ARMC9: variants seen among roughly 807,000 people sequenced by gnomAD.
The protein encoded by ARMC9 is lisH domain-containing protein ARMC9.
A neutral mutation model predicts 107.0 loss-of-function variants in ARMC9; 94 were observed. The observed-to-expected ratio is 0.88, with a 90% CI of 0.74 to 1.04. The LOEUF (loss-of-function observed/expected upper bound fraction) is 1.04. Ranked by LOEUF, ARMC9 falls within the 50% of genes least tolerant of loss-of-function variation. The pLI, the probability that ARMC9 is intolerant of heterozygous loss-of-function variation, is 0.00. For missense variants in ARMC9, 942 were observed against 1,030.1 expected (o/e 0.91, Z 1.17); for synonymous variants, 380 against 396.9 (o/e 0.96, Z 0.51).
chr2:231,368,919 G>A (rs771638882), intron 23 of ARMC9, among the ~76,000 whole-genome samples: 3 of 152,214 alleles, frequency 2.0e-5, no homozygotes, highest in East Asian at 1.9e-4. Context: ...CACCGCGCCC[G>A]GCCTATTTTT....
chr2:231,238,869 A>G (rs139557697), intron 8 of ARMC9, among the ~76,000 whole-genome samples: 10 of 152,354 alleles, frequency 6.6e-5, no homozygotes, highest in African/African-American at 2.4e-4. Flanking sequence ...TTTGTAGCAG[A>G]TAGGCAGGAG....
At chr2:231,369,598 CTTT>C (rs71982424) in intron 23 of ARMC9, among the ~76,000 whole-genome samples, 15 of 128,238 alleles carry the variant, frequency 1.2e-4, no homozygotes, top group Admixed American at 7.9e-5. Context: ...CAGCCAGTTT[CTTT>C]TTTTTTTTTT....
At chr2:231,370,746 C>T (rs115379479) in intron 24 of ARMC9, 2,461 of 218,480 alleles carry the variant, frequency 0.011, 71 homozygotes, top group African/African-American at 0.052. Context: ...CTGTCCCCTT[C>T]CAGCCTCTGC....
chr2:231,269,977 A>G (rs945792150), intron 12 of ARMC9, among the ~76,000 whole-genome samples: 13 of 150,906 alleles, frequency 8.6e-5, no homozygotes, highest in African/African-American at 3.2e-4. Flanking sequence ...GGGACCACAA[A>G]GCCATTGAGT....
rs575702016 is a variant in ARMC9, at chr2:231,333,480, C to G, written c.1878+1583C>G. Among the ~76,000 whole-genome samples the G allele has an allele frequency of 2.6e-4, 39 of 152,240 alleles. 1 individual carries two copies. The South Asian group carries it at 6.6e-3, about 26-fold the overall frequency. ...AGAACATCTCAAGGATTAAAGTAGT[C>G]TAATTGGCTGTGGAGCTGTTTACAT... is the stretch of plus-strand genomic sequence containing the variant. On this transcript the variant is annotated intron_variant, in intron 20 of 24. Coordinates refer to ENST00000611582, the MANE Select transcript of ARMC9 (RefSeq NM_001352754.2).
chr2:231,208,377 A>G (rs1379782264), intron 3 of ARMC9, 125 bp downstream of exon 3: 1 of 729,070 alleles, frequency 1.4e-6, no homozygotes, highest in Non-Finnish European at 2.4e-6. Context: ...TTTAGATGGC[A>G]CAAGTGTTTA....
intron 19 of ARMC9, among the ~76,000 whole-genome samples, chr2:231,298,956 G>A (rs1241664245): frequency 6.6e-6 from 1 of 152,066 alleles, no homozygotes; most frequent in African/African-American, 2.4e-5. Context: ...GGGCTGTAGT[G>A]GGATGGGGCC....
chr2:231,295,218 T>C (rs1559420473), intron 18 of ARMC9: 2 of 152,226 alleles, frequency 1.3e-5, no homozygotes. Context: ...ATAAGAAAGA[T>C]GTAGTAGGGA....
chr2:231,305,490 G>A (rs2041988422), intron 19 of ARMC9, among the ~76,000 whole-genome samples: 1 of 152,178 alleles, frequency 6.6e-6, no homozygotes, highest in Non-Finnish European at 1.5e-5. Context: ...ACAAATCCAG[G>A]CGTAGTTCTG....
At chr2:231,256,144 G>T in intron 9 of ARMC9, 1 of 1,543,006 alleles carries the variant, frequency 6.5e-7, no homozygotes, top group Non-Finnish European at 8.8e-7. Flanking sequence ...GGGTCACCAA[G>T]GTCCTGGGCA....
At chr2:231,328,814 C>CTTTTTTTTTTTTTTTTTTTTTT (rs1341987081) in intron 19 of ARMC9, among the ~76,000 whole-genome samples, 1,840 of 126,824 alleles carry the variant, frequency 0.015, 260 homozygotes, top group Non-Finnish European at 0.02. Context: ...CTTTTCTTTT[C>CTTTTTTTTTTTTTTTTTTTTTT]TTTTCTTTTT....
At chr2:231,259,785 G>A (rs563542845) in intron 11 of ARMC9, among the ~76,000 whole-genome samples, 118 of 152,266 alleles carry the variant, frequency 7.7e-4, no homozygotes, top group Non-Finnish European at 1.2e-3. Context: ...CTGAGGTCAG[G>A]AGTTCAAGAC....
In ARMC9 at chr2:231,375,431, G is replaced by A. The variant is rs116551783; in HGVS notation, c.*3896G>A. Among the ~76,000 whole-genome samples, 161 of 152,374 alleles carry A rather than the reference G, an allele frequency of 1.1e-3. No homozygotes were observed. Among genetic ancestry groups the A allele is most frequent in the African/African-American group, 3.6e-3 (151 of 41,584 alleles). On this transcript the variant is annotated 3_prime_UTR_variant, in exon 25 of 25. Transcript: ENST00000611582. The surrounding 1 kb of genome is among the most constrained non-coding windows in gnomAD (Gnocchi z 4.3). Reference sequence around the variant, plus strand: ...TACAGGGACCCCGAATGAACCAGAGGCAATACTGCTGCAAGCTACCACATA... The same window carrying A: ...TACAGGGACCCCGAATGAACCAGAGACAATACTGCTGCAAGCTACCACATA...
At chr2:231,226,404 ATTGAAG>A (rs1162638133) in intron 6 of ARMC9, among the ~76,000 whole-genome samples, 5 of 152,214 alleles carry the variant, frequency 3.3e-5, no homozygotes, top group African/African-American at 1.2e-4. Context: ...AAAGCTTTGA[ATTGAAG>A]TTAGAGTTGA....
Position 231,312,811 on chromosome 2 carries a change from G to T in ARMC9, c.1773+16558G>T, listed in dbSNP as rs114350425. ...CTTTTTCTAACAAAAAAGTAGTATT[G>T]TAAGGACTCAATGAACTAATCTGTA... On this transcript the variant is annotated intron_variant, in intron 19 of 24. Transcript: ENST00000611582. Among the ~76,000 whole-genome samples the T allele has an allele frequency of 6.1e-3, 935 of 152,188 alleles. 15 individuals carry two copies. Among genetic ancestry groups the T allele is most frequent in the African/African-American group, 0.021 (887 of 41,516 alleles).
At chr2:231,287,910 C>G (rs2040717021) in intron 17 of ARMC9, among the ~76,000 whole-genome samples, 1 of 152,174 alleles carries the variant, frequency 6.6e-6, no homozygotes, top group Non-Finnish European at 1.5e-5. Flanking sequence ...CAAGACCTAA[C>G]ATGAGGGAGT....
intron 9 of ARMC9, among the ~76,000 whole-genome samples, chr2:231,243,866 A>G (rs1347121902): frequency 6.6e-6 from 1 of 152,222 alleles, no homozygotes; most frequent in Non-Finnish European, 1.5e-5. Context: ...TTTAGATGCA[A>G]TGTCCAGTGA....
rs1017308742 is a variant in ARMC9 at position 231,253,309 on chromosome 2, G to A, written c.880-3277G>A. 2.6e-5 allele frequency among the ~76,000 whole-genome samples: 4 copies of A among 151,640 alleles called. No individual in the cohort carries two copies. The East Asian group carries it at 7.8e-4, about 30-fold the overall frequency. On this transcript the variant is annotated intron_variant, in intron 9 of 24. Transcript: ENST00000611582. The stretch of plus-strand genomic sequence containing the variant: ...TTTGTATTTTTAGTAGAGATGGAGT[G>A]TCACCATGTTGGCCAGGCTGGTCTT...
chr2:231,258,442 A>G (rs1371469466), intron 10 of ARMC9, among the ~76,000 whole-genome samples: 2 of 152,004 alleles, frequency 1.3e-5, no homozygotes, highest in African/African-American at 4.8e-5. Flanking sequence ...AGGCCTCCCA[A>G]AGTGCTGGGA....
Sources: allele counts gnomAD v4.1 joint callset (sites outside exome capture counted in the v4.1 genomes callset), GRCh38; gene constraint gnomAD v4.1.1; non-coding constraint Gnocchi (gnomAD v3.1); transcripts MANE v1.5; gene names NCBI Gene and HGNC (gene_info 2026-07-23, HGNC 2026-07-21).